Variants in CNTLN observed in about 807,000 individuals in gnomAD.
The protein encoded by CNTLN is centlein.
CNTLN carries 212 observed loss-of-function variants against 180.0 expected under a neutral mutation model. The ratio of observed to expected loss-of-function variants is 1.18; its 90% CI spans 1.05 to 1.32. CNTLN has a LOEUF of 1.32. Among genes scored for constraint, CNTLN ranks in the 40% most tolerant of loss-of-function variants. The pLI is 0.00. For synonymous variants in CNTLN, 722 were observed against 563.1 expected (o/e 1.28, Z -3.99); for missense variants, 2,095 against 1,610.9 (o/e 1.30, Z -5.14).
At chr9:17,407,363 A>G (rs577389549) in intron 15 of CNTLN, among the ~76,000 whole-genome samples, 2 of 152,352 alleles carry the variant, frequency 1.3e-5, no homozygotes, top group South Asian at 4.1e-4. Context: ...AATTCTTATC[A>G]GACTAACCAG....
At chr9:17,508,702 T>TA (rs1415221370), downstream of CNTLN, among the ~76,000 whole-genome samples, 1 of 152,236 alleles carries the variant, frequency 6.6e-6, no homozygotes, top group Non-Finnish European at 1.5e-5. Flanking sequence ...TCAGAGAGCA[T>TA]AATGTCCTTG....
intron 2 of CNTLN, among the ~76,000 whole-genome samples, chr9:17,207,687 C>G (rs1449052917): frequency 6.6e-6 from 1 of 151,984 alleles, no homozygotes; most frequent in Non-Finnish European, 1.5e-5. Flanking sequence ...TTAACCAGTC[C>G]CAATGAGATG....
chr9:17,302,030 A>G (rs1818393638), intron 7 of CNTLN: 1 of 985,144 alleles, frequency 1.0e-6, no homozygotes, highest in Non-Finnish European at 1.2e-6. Context: ...TGCAATAAAC[A>G]TTTCTTTGTC....
the CNTLN span, among the ~76,000 whole-genome samples, chr9:17,511,215 G>A: frequency 6.6e-6 from 1 of 152,154 alleles, no homozygotes; most frequent in African/African-American, 2.4e-5. Flanking sequence ...AGGACAGGTT[G>A]ATGGGAATTG....
At chr9:17,383,715 G>A (rs1231369233) in intron 13 of CNTLN, among the ~76,000 whole-genome samples, 2 of 151,514 alleles carry the variant, frequency 1.3e-5, no homozygotes, top group Non-Finnish European at 2.9e-5. Flanking sequence ...TCGGCCCACT[G>A]CAAGCTCTGC....
At position 17,252,442 on chromosome 9, in the gene CNTLN, C is replaced by G. The variant is rs144516712; in HGVS notation, c.849+15854C>G. On this transcript the variant is annotated intron_variant, in intron 5 of 25. Coordinates refer to ENST00000380647, the MANE Select transcript of CNTLN (RefSeq NM_017738.4). ...GTCCCTTTAATAATAGTCATTCGAA[C>G]TAGGATGACATGACATCTCATTATG... 3.8e-3 allele frequency among the ~76,000 whole-genome samples: 554 copies of G among 147,256 alleles called. 4 individuals are homozygous for G. Among genetic ancestry groups the G allele is most frequent in the African/African-American group, 0.014 (534 of 38,410 alleles).
the CNTLN span, among the ~76,000 whole-genome samples, chr9:17,522,377 A>C: frequency 1.8e-4 from 27 of 152,306 alleles, no homozygotes; most frequent in African/African-American, 6.5e-4. Context: ...TAACTTGCCC[A>C]AGATTCCACA....
chr9:17,306,743 T>C (rs1818743374), intron 7 of CNTLN, among the ~76,000 whole-genome samples: 1 of 152,214 alleles, frequency 6.6e-6, no homozygotes, highest in Admixed American at 6.5e-5. Flanking sequence ...ATTTGAAATA[T>C]GTGAATTCTT....
intron 5 of CNTLN, among the ~76,000 whole-genome samples, chr9:17,240,546 T>G (rs1260436640): frequency 6.6e-6 from 1 of 152,202 alleles, no homozygotes; most frequent in Non-Finnish European, 1.5e-5. Flanking sequence ...ATTTGCCATT[T>G]GTTTGTCTTT....
chr9:17,276,321 A>G (rs1003244969), intron 6 of CNTLN, among the ~76,000 whole-genome samples: 6 of 152,006 alleles, frequency 3.9e-5, no homozygotes, highest in African/African-American at 1.4e-4. Flanking sequence ...TGTTTCTTTC[A>G]TCATTATTTC....
chr9:17,175,184 T>C (rs1820646751), intron 2 of CNTLN, among the ~76,000 whole-genome samples: 1 of 152,206 alleles, frequency 6.6e-6, no homozygotes, highest in Non-Finnish European at 1.5e-5. Flanking sequence ...GGGTATGTTT[T>C]TGGCGTCAAA....
At chr9:17,164,009 ACT>A (rs1260939459) in intron 2 of CNTLN, among the ~76,000 whole-genome samples, 1 of 148,186 alleles carries the variant, frequency 6.7e-6, no homozygotes, top group Non-Finnish European at 1.5e-5. Context: ...ACAGAGCAAG[ACT>A]CTGCCTGAAA....
chr9:17,432,358 T>G (rs1211728753), intron 18 of CNTLN, among the ~76,000 whole-genome samples: 3 of 152,158 alleles, frequency 2.0e-5, no homozygotes, highest in Non-Finnish European at 2.9e-5. Flanking sequence ...AATCATACAG[T>G]GAGTAAAATT....
intron 5 of CNTLN, among the ~76,000 whole-genome samples, chr9:17,262,457 C>T (rs1827066613): frequency 1.3e-5 from 2 of 151,420 alleles, no homozygotes; most frequent in African/African-American, 2.5e-5. Flanking sequence ...CTATCATCCT[C>T]AGCAAACTAA....
At chr9:17,142,358 A>G (rs1168829251) in intron 1 of CNTLN, among the ~76,000 whole-genome samples, 3 of 152,174 alleles carry the variant, frequency 2.0e-5, no homozygotes, top group Non-Finnish European at 4.4e-5. Context: ...AAAAGATTGG[A>G]CACCACTGTT....
chr9:17,219,376 A>C (rs1823981738), intron 2 of CNTLN, among the ~76,000 whole-genome samples: 1 of 152,000 alleles, frequency 6.6e-6, no homozygotes, highest in African/African-American at 2.4e-5. Flanking sequence ...TTCAAGTAGA[A>C]AATATTGTAT....
chr9:17,194,904 C>T (rs763488090), intron 2 of CNTLN, among the ~76,000 whole-genome samples: 2 of 151,984 alleles, frequency 1.3e-5, no homozygotes, highest in African/African-American at 4.8e-5. Context: ...GTGGCAGCGA[C>T]GAGAAAATGA....
At chr9:17,459,685 A>G (rs1224575695) in intron 19 of CNTLN, among the ~76,000 whole-genome samples, 2 of 151,644 alleles carry the variant, frequency 1.3e-5, no homozygotes, top group African/African-American at 4.8e-5. Flanking sequence ...AACAGTTTTC[A>G]TTTCTTTTGA....
Position 17,416,033 on chromosome 9 carries a change from A to G in CNTLN, c.2958A>G (p.Glu986=), listed in dbSNP as rs1208039015. 1.9e-6 allele frequency: 3 copies of G among 1,613,458 alleles called. No homozygotes were observed. In the African/African-American group the frequency reaches 4.0e-5, roughly 21 times the overall value. ...GTAGCAATATTATTTTATTACGAGA[A>G]CGGATTATATCCTTGCAACAACAAA... ...KSSSNIILLR[E]RIISLQQQNS... The change falls in exon 18 of 26, where the codon GAA becomes GAG. Residue 986 remains glutamate (E), a synonymous_variant. Transcript: ENST00000380647.
Sources: gnomAD v4.1 joint callset for allele counts (sites outside exome capture counted in the v4.1 genomes callset) on GRCh38, gnomAD v4.1.1 for gene constraint, MANE v1.5 for transcripts, NCBI Gene and HGNC (gene_info 2026-07-23, HGNC 2026-07-21) for gene names.